Variants in WHR1 observed in about 807,000 individuals in gnomAD.
The protein encoded by WHR1 is MHC class III HLA-RP1.
chr6:31,973,476 G>A, the WHR1 span: 16 of 168,298 alleles, frequency 9.5e-5, no homozygotes, highest in African/African-American at 3.4e-4. Context: ...TTAATTCTGT[G>A]ATGTGGTGAG....
At chr6:31,972,827 T>C in the WHR1 span, 1 of 1,581,286 alleles carries the variant, frequency 6.3e-7, no homozygotes, top group Non-Finnish European at 8.5e-7. The surrounding 1 kb of genome is among the most constrained non-coding windows in gnomAD (Gnocchi z 6.3). Context: ...ACTCAGTCAC[T>C]CCGCCAGCCG....
chr6:31,979,392 T>C, the WHR1 span: 1 of 1,612,616 alleles, frequency 6.2e-7, no homozygotes, highest in Non-Finnish European at 8.5e-7. Flanking sequence ...GGATGGACCA[T>C]GTCTCTCATC....
At chr6:31,976,013 G>A in the WHR1 span, among the ~76,000 whole-genome samples, 6 of 145,710 alleles carry the variant, frequency 4.1e-5, no homozygotes, top group Non-Finnish European at 7.6e-5. Flanking sequence ...CCTCCCGGAC[G>A]AGGCGGCTGG....
the WHR1 span, chr6:31,972,709 C>T: frequency 6.2e-7 from 1 of 1,613,702 alleles, no homozygotes; most frequent in Non-Finnish European, 8.5e-7. This position sits in a 1 kb window ranked among gnomAD's most constrained non-coding sequence, Gnocchi z 6.3. Context: ...TGCTGAGGAG[C>T]CAGGTGTACA....
the WHR1 span, chr6:31,971,755 G>A: frequency 1.4e-6 from 2 of 1,436,982 alleles, no homozygotes; most frequent in Non-Finnish European, 9.2e-7. This position sits in a 1 kb window ranked among gnomAD's most constrained non-coding sequence, Gnocchi z 4.5. Context: ...TTAGGACTAA[G>A]CGAGCCACCT....
At chr6:31,971,386 T>G in the WHR1 span, 1 of 1,582,512 alleles carries the variant, frequency 6.3e-7, no homozygotes, top group Non-Finnish European at 8.6e-7. The surrounding 1 kb of genome is among the most constrained non-coding windows in gnomAD (Gnocchi z 4.5). Context: ...CTGGACCTCC[T>G]CGTCCCGGGG....
the WHR1 span, chr6:31,979,328 G>T: frequency 1.3e-6 from 2 of 1,568,012 alleles, no homozygotes; most frequent in Non-Finnish European, 1.7e-6. Flanking sequence ...CAAGAGGTAA[G>T]ACAGGAAGAG....
chr6:31,972,432 C>A, the WHR1 span: 6 of 1,613,100 alleles, frequency 3.7e-6, no homozygotes, highest in East Asian at 4.5e-5. This position sits in a 1 kb window ranked among gnomAD's most constrained non-coding sequence, Gnocchi z 6.3. Flanking sequence ...AGAGGCATCA[C>A]CTGATCCCGG....
the WHR1 span, among the ~76,000 whole-genome samples, chr6:31,976,270 C>T: frequency 1.3e-5 from 2 of 150,670 alleles, no homozygotes; most frequent in Non-Finnish European, 3.0e-5. Flanking sequence ...GGCTGACCCC[C>T]CCACCTCCCT....
chr6:31,976,126 C>CAG, the WHR1 span, among the ~76,000 whole-genome samples: 1 of 129,700 alleles, frequency 7.7e-6, no homozygotes. Context: ...CGGCTGGCTG[C>CAG]GTGGGGGGCT....
the WHR1 span, among the ~76,000 whole-genome samples, chr6:31,975,841 TCC>T: frequency 6.6e-6 from 1 of 151,462 alleles, no homozygotes; most frequent in Non-Finnish European, 1.5e-5. Flanking sequence ...GCTCCTCACT[TCC>T]CAGCAGGGGC....
chr6:31,977,638 C>T, the WHR1 span, among the ~76,000 whole-genome samples: 62 of 152,022 alleles, frequency 4.1e-4, no homozygotes, highest in African/African-American at 1.2e-3. Flanking sequence ...CATGAGCCAC[C>T]GCATCTGGCC....
the WHR1 span, chr6:31,971,279 G>A: frequency 1.3e-6 from 2 of 1,538,222 alleles, no homozygotes; most frequent in Non-Finnish European, 1.8e-6. This position sits in a 1 kb window ranked among gnomAD's most constrained non-coding sequence, Gnocchi z 4.5. Flanking sequence ...TAGAGGGTAG[G>A]TACGGGTCTC....
At chr6:31,980,170 T>G in the WHR1 span, 1 of 449,596 alleles carries the variant, frequency 2.2e-6, no homozygotes, top group Admixed American at 3.7e-5. Context: ...TGTCAGGACA[T>G]GTGGTCAGGG....
At chr6:31,972,503 G>C in the WHR1 span, 10 of 1,608,430 alleles carry the variant, frequency 6.2e-6, no homozygotes, top group South Asian at 1.1e-4. The surrounding 1 kb of genome is among the most constrained non-coding windows in gnomAD (Gnocchi z 6.3). Context: ...CCTCTTCGGG[G>C]TGAGCCAGGT....
the WHR1 span, chr6:31,980,460 G>A: frequency 6.2e-7 from 1 of 1,612,582 alleles, no homozygotes; most frequent in African/African-American, 1.3e-5. Context: ...GGCATCTGGT[G>A]AATGCTGGAG....
the WHR1 span, chr6:31,971,828 A>C: frequency 7.5e-7 from 1 of 1,328,610 alleles, no homozygotes; most frequent in Non-Finnish European, 1.0e-6. The surrounding 1 kb of genome is among the most constrained non-coding windows in gnomAD (Gnocchi z 4.5). Context: ...CCAAGCTCTC[A>C]TCCTGCCTCT....
the WHR1 span, chr6:31,973,368 A>G: frequency 1.3e-5 from 3 of 223,420 alleles, no homozygotes; most frequent in Non-Finnish European, 2.8e-5. Context: ...TGGAGCATCC[A>G]AAGACAAAGG....
the WHR1 span, chr6:31,980,339 T>C: frequency 1.0e-6 from 1 of 984,294 alleles, no homozygotes; most frequent in Non-Finnish European, 1.5e-6. Context: ...ATCCAGTCTC[T>C]CTTGCATGGT....
Sources: gnomAD v4.1 joint callset for allele counts (sites outside exome capture counted in the v4.1 genomes callset) on GRCh38, gnomAD v4.1.1 for gene constraint, Gnocchi (gnomAD v3.1) non-coding constraint, MANE v1.5 for transcripts, NCBI Gene and HGNC (gene_info 2026-07-23, HGNC 2026-07-21) for gene names.